CDIN1: variants seen among roughly 807,000 people sequenced by gnomAD.
CDIN1 encodes CDAN1 interacting nuclease 1, also known as CDAN1-interacting nuclease 1.
A neutral mutation model predicts 45.3 loss-of-function variants in CDIN1; 33 were observed. The observed-to-expected ratio is 0.73, with a 90% CI of 0.55 to 0.97. The LOEUF (loss-of-function observed/expected upper bound fraction) is 0.97. CDIN1 is among the 50% of genes least tolerant of loss of function. The pLI is 0.00. For synonymous variants in CDIN1, 118 were observed against 124.4 expected, an observed-to-expected ratio of 0.95 and a Z score of 0.34; for missense variants, 303 against 339.4, an observed-to-expected ratio of 0.89 and a Z score of 0.84.
At chr15:36,686,559 T>C (rs1266846385) in intron 5 of CDIN1, among the ~76,000 whole-genome samples, 1 of 127,886 alleles carries the variant, frequency 7.8e-6, no homozygotes, top group Non-Finnish European at 1.7e-5. Context: ...TAAAGTATAA[T>C]AATAAAAAAA....
chr15:36,624,530 C>G (rs551472104), intron 1 of CDIN1, among the ~76,000 whole-genome samples: 2 of 152,180 alleles, frequency 1.3e-5, no homozygotes, highest in Admixed American at 6.5e-5. Flanking sequence ...ATAGTTTTTT[C>G]AAACTAATAC....
At chr15:36,793,342 T>G (rs1289613251) in intron 10 of CDIN1, among the ~76,000 whole-genome samples, 1 of 151,928 alleles carries the variant, frequency 6.6e-6, no homozygotes, top group African/African-American at 2.4e-5. Context: ...GCAGTGAGGG[T>G]GAGGGGGAGA....
At chr15:36,723,251 T>G (rs528427410) in intron 10 of CDIN1, among the ~76,000 whole-genome samples, 1 of 152,296 alleles carries the variant, frequency 6.6e-6, no homozygotes, top group South Asian at 2.1e-4. Flanking sequence ...ATCTTATAGC[T>G]GGTATTTCAT....
intron 10 of CDIN1, among the ~76,000 whole-genome samples, chr15:36,779,913 G>A (rs1183066764): frequency 6.6e-6 from 1 of 152,106 alleles, no homozygotes; most frequent in East Asian, 1.9e-4. Context: ...TTTCTGAGTG[G>A]GGTGTGGTAG....
intron 5 of CDIN1, among the ~76,000 whole-genome samples, chr15:36,676,307 G>A (rs969731700): frequency 6.6e-6 from 1 of 152,060 alleles, no homozygotes; most frequent in Non-Finnish European, 1.5e-5. Context: ...ACACTTTTGT[G>A]CCCCCTTTCC....
Position 36,617,064 on chromosome 15 carries a change from AC to A in CDIN1, c.102-27213del, listed in dbSNP as rs201612879. ...GCCAGTTAGAGTTGCAGCTGTGGGA[AC>A]GATTGGGCCGAGCAGAGGACGACAT... On this transcript the variant is annotated intron_variant, in intron 1 of 10. Transcript: ENST00000566621. 7,619 of 773,888 alleles carry A rather than the reference AC, an allele frequency of 9.8e-3. 55 individuals are homozygous for A. The highest frequency in any genetic ancestry group is 0.014 in the Non-Finnish European group (5,741 of 416,264). 47.9% of individuals were successfully genotyped at this position (773,888 alleles called of 1,614,324 possible). A position where few individuals can be genotyped will look rare whatever the true frequency, so the allele number is the denominator to read the frequency against.
intron 1 of CDIN1, among the ~76,000 whole-genome samples, chr15:36,630,482 A>AT (rs1275713617): frequency 1.3e-5 from 2 of 152,162 alleles, no homozygotes; most frequent in Admixed American, 1.3e-4. Flanking sequence ...ATATTAAGTG[A>AT]TTTTTCCAAT....
At chr15:36,679,596 A>T (rs1199085894) in intron 5 of CDIN1, among the ~76,000 whole-genome samples, 1 of 152,060 alleles carries the variant, frequency 6.6e-6, no homozygotes, top group African/African-American at 2.4e-5. Context: ...TTCCTAGTTT[A>T]CCTTTTTTCA....
chr15:36,669,385 T>C (rs1220505495), intron 5 of CDIN1, among the ~76,000 whole-genome samples: 1 of 152,170 alleles, frequency 6.6e-6, no homozygotes, highest in African/African-American at 2.4e-5. Context: ...AGGTCATTTC[T>C]GGGAGAAGCA....
intron 10 of CDIN1, among the ~76,000 whole-genome samples, chr15:36,805,202 G>T (rs2055188231): frequency 6.6e-6 from 1 of 152,018 alleles, no homozygotes; most frequent in Non-Finnish European, 1.5e-5. Context: ...ATCCATTGGG[G>T]GTCTTGGATC....
At chr15:36,722,886 A>G (rs545115211) in intron 10 of CDIN1, among the ~76,000 whole-genome samples, 3 of 152,194 alleles carry the variant, frequency 2.0e-5, no homozygotes, top group African/African-American at 7.2e-5. Flanking sequence ...CTGGAAGTCA[A>G]ATTCTTATAA....
intron 10 of CDIN1, among the ~76,000 whole-genome samples, chr15:36,765,230 AT>A (rs1407146066): frequency 2.0e-5 from 3 of 151,134 alleles, no homozygotes; most frequent in African/African-American, 7.3e-5. Context: ...TAATTTTTGT[AT>A]TTTTAGTAGA....
intron 1 of CDIN1, among the ~76,000 whole-genome samples, chr15:36,633,011 A>T (rs1251403397): frequency 6.6e-6 from 1 of 152,236 alleles, no homozygotes; most frequent in Non-Finnish European, 1.5e-5. Flanking sequence ...GACTCTCATT[A>T]AATCAGAACA....
At chr15:36,682,303 G>A (rs768162132) in intron 5 of CDIN1, among the ~76,000 whole-genome samples, 2 of 152,096 alleles carry the variant, frequency 1.3e-5, no homozygotes, top group Non-Finnish European at 2.9e-5. Flanking sequence ...CAGACAGGAA[G>A]CAAACTAATG....
intron 5 of CDIN1, among the ~76,000 whole-genome samples, chr15:36,669,523 C>T (rs1193360532): frequency 6.6e-6 from 1 of 151,994 alleles, no homozygotes; most frequent in East Asian, 1.9e-4. Context: ...TTAGTTATCC[C>T]TAATGTTATC....
intron 1 of CDIN1, among the ~76,000 whole-genome samples, chr15:36,613,156 G>A (rs2038727999): frequency 6.6e-6 from 1 of 152,190 alleles, no homozygotes; most frequent in Non-Finnish European, 1.5e-5. Context: ...GTGTTCACAT[G>A]TTATCTCAAT....
At chr15:36,710,039 T>C (rs1446983286) in intron 10 of CDIN1, 78 bp downstream of exon 10, 1 of 1,073,890 alleles carries the variant, frequency 9.3e-7, no homozygotes, top group Non-Finnish European at 1.3e-6. Flanking sequence ...TTTGTTTAGC[T>C]GGTAAAAATG....
At chr15:36,664,672 A>G (rs1595441753) in intron 5 of CDIN1, among the ~76,000 whole-genome samples, 1 of 151,466 alleles carries the variant, frequency 6.6e-6, no homozygotes, top group Non-Finnish European at 1.5e-5. Context: ...TCAGCCTCCC[A>G]AGTAGCTGGG....
intron 3 of CDIN1, among the ~76,000 whole-genome samples, chr15:36,649,410 A>G (rs138916538): frequency 3.9e-5 from 6 of 152,068 alleles, no homozygotes; most frequent in Admixed American, 6.5e-5. Flanking sequence ...CCTATTTGCC[A>G]GTTAAAACAA....
Sources: gnomAD v4.1 joint callset for allele counts (sites outside exome capture counted in the v4.1 genomes callset) on GRCh38, gnomAD v4.1.1 for gene constraint, MANE v1.5 for transcripts, NCBI Gene and HGNC (gene_info 2026-07-23, HGNC 2026-07-21) for gene names.